Variants in EXOC4 observed in about 807,000 individuals in gnomAD.
The protein encoded by EXOC4 is exocyst complex component 4, also known as SEC8-like 1.
In EXOC4, 71 loss-of-function variants were observed where a neutral mutation model predicts 107.2. The ratio of observed to expected loss-of-function variants is 0.66; its 90% CI spans 0.55 to 0.81. EXOC4 has a LOEUF of 0.81. Among genes scored for constraint, EXOC4 ranks in the 30% least tolerant of loss-of-function variants. The pLI, the probability that EXOC4 is intolerant of heterozygous loss-of-function variation, is 0.00. For synonymous variants in EXOC4, 456 were observed against 441.2 expected (o/e 1.03, Z -0.42); for missense variants, 1,108 against 1,189.6 (o/e 0.93, Z 1.01).
intron 1 of EXOC4, among the ~76,000 whole-genome samples, chr7:133,265,170 A>G (rs1395848598): frequency 2.0e-5 from 3 of 152,248 alleles, no homozygotes; most frequent in East Asian, 3.9e-4. Context: ...TAAGCTAATA[A>G]TTACCTTTTT....
In EXOC4 at chr7:133,607,026, C is replaced by A. The variant is rs373200437; in HGVS notation, c.1418-23019C>A. The stretch of plus-strand genomic sequence containing the variant: ...TTTTCTAGCTGTAGATCCTACAATG[C>A]GTATTTGCTAATAGTAATTTATTTT... On this transcript the variant is annotated intron_variant, in intron 9 of 17. Coordinates refer to ENST00000253861, the MANE Select transcript of EXOC4 (RefSeq NM_021807.4). 4.1e-4 allele frequency among the ~76,000 whole-genome samples: 62 copies of A among 152,264 alleles called. No individual in the cohort carries two copies. In the East Asian group the frequency reaches 6.8e-3, roughly 17 times the overall value.
chr7:133,360,855 A>G (rs1025047381), intron 6 of EXOC4, among the ~76,000 whole-genome samples: 2 of 152,226 alleles, frequency 1.3e-5, no homozygotes, highest in African/African-American at 4.8e-5. Flanking sequence ...ATGTTCATAA[A>G]ACTAAATTTT....
At chr7:133,892,820 T>G (rs1308537800) in intron 11 of EXOC4, among the ~76,000 whole-genome samples, 1 of 145,430 alleles carries the variant, frequency 6.9e-6, no homozygotes, top group African/African-American at 2.7e-5. Context: ...TTCTTTTACA[T>G]TTGCTGAGGA....
At chr7:133,406,456 A>G (rs1797222629) in intron 7 of EXOC4, among the ~76,000 whole-genome samples, 2 of 152,328 alleles carry the variant, frequency 1.3e-5, no homozygotes, top group Admixed American at 1.3e-4. Context: ...GACACTTTAA[A>G]ACATTAAAAA....
chr7:134,059,888 T>G (rs1373016829), intron 17 of EXOC4, among the ~76,000 whole-genome samples: 1 of 152,204 alleles, frequency 6.6e-6, no homozygotes, highest in African/African-American at 2.4e-5. Context: ...CAGAGGAAGA[T>G]AAAATTTTGT....
At chr7:134,052,804 T>C (rs964485497) in intron 17 of EXOC4, among the ~76,000 whole-genome samples, 7 of 152,212 alleles carry the variant, frequency 4.6e-5, no homozygotes, top group African/African-American at 1.7e-4. Context: ...TGCCAGAGAA[T>C]GAAAAGCTGA....
intron 14 of EXOC4, among the ~76,000 whole-genome samples, chr7:133,960,394 TTCTC>T (rs1394732398): frequency 3.3e-5 from 5 of 152,200 alleles, no homozygotes; most frequent in East Asian, 1.9e-4. Context: ...GGTTCCCTCT[TTCTC>T]TATCTTGTGG....
At chr7:133,595,896 T>G (rs1801658072) in intron 9 of EXOC4, among the ~76,000 whole-genome samples, 1 of 152,174 alleles carries the variant, frequency 6.6e-6, no homozygotes, top group African/African-American at 2.4e-5. Context: ...CCACCTTGCC[T>G]CTGTCTTCTC....
intron 5 of EXOC4, among the ~76,000 whole-genome samples, chr7:133,322,683 A>T (rs1795142165): frequency 6.6e-6 from 1 of 152,034 alleles, no homozygotes; most frequent in South Asian, 2.1e-4. Flanking sequence ...TTTGCTTAGG[A>T]TTATCTTGGC....
intron 10 of EXOC4, among the ~76,000 whole-genome samples, chr7:133,665,617 T>G (rs898959745): frequency 6.6e-6 from 1 of 152,162 alleles, no homozygotes. Context: ...ATTTTCAGTA[T>G]TTGCTTCTCA....
At chr7:133,876,340 A>G (rs992953487) in intron 11 of EXOC4, among the ~76,000 whole-genome samples, 1 of 151,942 alleles carries the variant, frequency 6.6e-6, no homozygotes, top group African/African-American at 2.4e-5. Context: ...ATAAAATTTC[A>G]GGGGACATCA....
intron 17 of EXOC4, among the ~76,000 whole-genome samples, chr7:134,029,304 A>T (rs939822775): frequency 1.3e-5 from 2 of 152,176 alleles, no homozygotes; most frequent in African/African-American, 4.8e-5. Context: ...CCTCAAAAAC[A>T]TTGTGCTAAA....
At chr7:133,361,713 G>T (rs572010472) in intron 6 of EXOC4, among the ~76,000 whole-genome samples, 1 of 152,128 alleles carries the variant, frequency 6.6e-6, no homozygotes, top group South Asian at 2.1e-4. Context: ...TTTTGGATTT[G>T]CATTTTTATT....
chr7:134,066,090 T>A (rs1023503631), downstream of EXOC4: 5 of 152,224 alleles, frequency 3.3e-5, no homozygotes, highest in East Asian at 9.7e-4. Flanking sequence ...AGGAGACAAC[T>A]GTGGAAAAAC....
Position 133,261,370 on chromosome 7 carries a change from G to A in EXOC4, c.86+8183G>A, listed in dbSNP as rs113569728. On this transcript the variant is annotated intron_variant, in intron 1 of 17. Coordinates refer to ENST00000253861, the MANE Select transcript of EXOC4 (RefSeq NM_021807.4). ...CAACCTCTGCCTCCCAGGCTCAGGTGATCCTCCCCACTTAGCCTCCCAAGT... is the reference window on the plus strand; with the variant it reads ...CAACCTCTGCCTCCCAGGCTCAGGTAATCCTCCCCACTTAGCCTCCCAAGT... 8.7e-3 allele frequency among the ~76,000 whole-genome samples: 1,317 copies of A among 151,544 alleles called. 27 individuals carry two copies. Among genetic ancestry groups the A allele is most frequent in the African/African-American group, 0.03 (1,238 of 41,280 alleles).
chr7:133,808,627 T>C lies in EXOC4; in HGVS notation c.1515-8698T>C, dbSNP rs1266455176. 2.6e-5 allele frequency among the ~76,000 whole-genome samples: 4 copies of C among 152,176 alleles called. No homozygotes were observed. In the East Asian group the frequency reaches 7.7e-4, roughly 29 times the overall value. The stretch of plus-strand genomic sequence containing the variant: ...CCTTCTTTCTGCAGACTGAGTTGTT[T>C]CCAGCCTTTTGCATGGCCTCACTTG... On this transcript the variant is annotated intron_variant, in intron 10 of 17. Transcript: ENST00000253861.
chr7:133,968,016 G>C lies in EXOC4; in HGVS notation c.2207-29476G>C, dbSNP rs540680642. On this transcript the variant is annotated intron_variant, in intron 14 of 17. Transcript: ENST00000253861. Reference sequence around the variant, plus strand: ...TGCTTTATGAAATCTGGGTGCTCCTGTATTGGGTGCATATATATTTAGGAT... The same window carrying C: ...TGCTTTATGAAATCTGGGTGCTCCTCTATTGGGTGCATATATATTTAGGAT... Among the ~76,000 whole-genome samples, 3 of 152,290 alleles carry C rather than the reference G, an allele frequency of 2.0e-5. No homozygotes were observed. In the East Asian group the frequency reaches 5.8e-4, roughly 29 times the overall value.
chr7:134,052,529 T>C (rs1364609962), intron 17 of EXOC4, among the ~76,000 whole-genome samples: 1 of 152,008 alleles, frequency 6.6e-6, no homozygotes, highest in African/African-American at 2.4e-5. Context: ...CCTCATACAA[T>C]TGTGAGACCC....
rs1165012014 is a variant in EXOC4 at position 133,448,956 on chromosome 7, T to G, written c.1183-26372T>G. 2.0e-5 allele frequency among the ~76,000 whole-genome samples: 3 copies of G among 151,980 alleles called. No individual in the cohort carries two copies. In the East Asian group the frequency reaches 5.8e-4, roughly 29 times the overall value. On this transcript the variant is annotated intron_variant, in intron 7 of 17. Transcript: ENST00000253861. The stretch of plus-strand genomic sequence containing the variant: ...CCCATCTCTACTAAAAATACAAAAA[T>G]TATCTGGGTGTGGTGGCACATGCCT...
Sources: allele counts gnomAD v4.1 joint callset (sites outside exome capture counted in the v4.1 genomes callset), GRCh38; gene constraint gnomAD v4.1.1; transcripts MANE v1.5; gene names NCBI Gene and HGNC (gene_info 2026-07-23, HGNC 2026-07-21).